ZNF180: variants seen among roughly 807,000 people sequenced by gnomAD.
ZNF180 encodes zinc finger protein 180 (HHZ168).
ZNF180 carries 11 observed loss-of-function variants against 11.8 expected under a neutral mutation model. That is an observed-to-expected ratio of 0.93 (90% CI 0.59 to 1.55). The LOEUF is 1.55. Among genes scored for constraint, ZNF180 ranks in the 40% most tolerant of loss-of-function variants. The pLI, the probability that ZNF180 is intolerant of heterozygous loss-of-function variation, is 0.00. For missense variants in ZNF180, 773 were observed against 781.7 expected (o/e 0.99, Z 0.13); for synonymous variants, 287 against 257.7 (o/e 1.11, Z -1.09).
chr19:44,475,599 T>C lies in ZNF180; in HGVS notation c.*803A>G, dbSNP rs1969842491. ...GGATCTTTGCTATTTGGTTGCTTAG[T>C]CTTTCCTAAATAGTCAAAGAAGGAA... is the stretch of plus-strand genomic sequence containing the variant. On this transcript the variant is annotated 3_prime_UTR_variant, in exon 5 of 5. Transcript: ENST00000592529. 6.6e-6 allele frequency: 1 copy of C among 152,258 alleles called. No homozygotes were observed. Among genetic ancestry groups the C allele is most frequent in the African/African-American group, 2.4e-5 (1 of 41,470 alleles). 9.4% of individuals were successfully genotyped at this position (152,258 alleles called of 1,614,324 possible). A position where few individuals can be genotyped will look rare whatever the true frequency, so the allele number is the denominator to read the frequency against.
chr19:44,500,169 C>T, intron 1 of ZNF180, 106 bp downstream of exon 1: 1 of 1,614,122 alleles, frequency 6.2e-7, no homozygotes, highest in Non-Finnish European at 8.5e-7. Context: ...GCCACCCGCA[C>T]AGATACCAGG....
At chr19:44,488,241 T>C (rs1156505418) in intron 2 of ZNF180, among the ~76,000 whole-genome samples, 1 of 100,826 alleles carries the variant, frequency 9.9e-6, no homozygotes, top group African/African-American at 3.9e-5. Flanking sequence ...TCCCTCTCTT[T>C]CCACGGTCTC....
chr19:44,478,189 G>A, intron 4 of ZNF180, 43 bp from the exon 5 acceptor site: 1 of 1,484,076 alleles, frequency 6.7e-7, no homozygotes, highest in Non-Finnish European at 8.9e-7. Context: ...AAAAATATTA[G>A]AGATGGAAAA....
rs901716222 is a variant in ZNF180 at position 44,476,234 on chromosome 19, TC to T, written c.*167del. 1.9e-5 allele frequency: 12 copies of T among 619,838 alleles called. 1 individual carries two copies. The highest frequency in any genetic ancestry group is 1.5e-4 in the African/African-American group (8 of 53,540). The allele number at this position is 619,838 out of a possible 1,614,324, so 38.4% of individuals were successfully genotyped here. On this transcript the variant is annotated 3_prime_UTR_variant, in exon 5 of 5. Coordinates refer to ENST00000592529, the MANE Select transcript of ZNF180 (RefSeq NM_001278509.3). ...AGGTTGAAAAGTCGTTCATAGACTT[TC>T]CCCCTTTCTTTTCCAGAACAAATTT...
At chr19:44,496,497 T>G (rs1211849506) in intron 2 of ZNF180, 1 of 150,766 alleles carries the variant, frequency 6.6e-6, no homozygotes, top group Admixed American at 6.6e-5. Context: ...TACAAAAAAT[T>G]TTTAAAATAC....
Position 44,477,004 on chromosome 19 carries a change from A to G in ZNF180, c.1396T>C (p.Tyr466His), listed in dbSNP as rs1403610903. The change falls in exon 5 of 5, where the codon TAT (tyrosine) becomes CAT (histidine). Residue 466 changes from tyrosine to histidine, a missense_variant. By Grantham distance (83) the Tyr-to-His change is moderately conservative. Coordinates refer to ENST00000592529, the MANE Select transcript of ZNF180 (RefSeq NM_001278509.3). ...HQRIHTGEKP[Y>H]ECNQCGKSFS... is the part of the protein sequence containing the mutation. ...GATTTCCCACACTGATTGCATTCATAGGGTTTTTCCCCAGTATGAATTCTT... is the reference window on the plus strand; with the variant it reads ...GATTTCCCACACTGATTGCATTCATGGGGTTTTTCCCCAGTATGAATTCTT... 5.4e-5 allele frequency: 87 copies of G among 1,614,028 alleles called. No individual in the cohort carries two copies. The highest frequency in any genetic ancestry group is 7.3e-5 in the Non-Finnish European group (86 of 1,180,020).
Position 44,477,035 on chromosome 19 carries a change from T to C in ZNF180, c.1365A>G (p.Ala455=). The C allele has an allele frequency of 6.2e-7, 1 of 1,614,142 alleles. No homozygotes were observed. The highest frequency in any genetic ancestry group is 1.1e-5 in the South Asian group (1 of 91,076). ...TTTCCCCAGTATGAATTCTTTGATG[T>C]GCAATAAGTTTATAGCTCTGGATAA... ...KSFIQSYKLI[A]HQRIHTGEKP... The change falls in exon 5 of 5, where the codon GCA becomes GCG. Residue 455 remains alanine, a synonymous_variant. Transcript: ENST00000592529.
chr19:44,488,336 T>C (rs1318806925), intron 2 of ZNF180, among the ~76,000 whole-genome samples: 2 of 151,192 alleles, frequency 1.3e-5, no homozygotes, highest in African/African-American at 2.4e-5. Context: ...ACTGTACTGC[T>C]GCCATCTCGG....
In ZNF180 at chr19:44,497,302, G is replaced by A. The variant is rs777930885; in HGVS notation, c.33C>T (p.Pro11=). The change falls in exon 2 of 5, where the codon CCC becomes CCT. Residue 11 remains proline, a synonymous_variant. Transcript: ENST00000592529. The stretch of plus-strand genomic sequence containing the variant: ...CACTCACCTGTGCACAGACCTTCGG[G>A]GGCTCTGGGGGCTTCTCATCCTGCT... MEEQDEKPPE[P]PKVCAQDSFL... is the part of the protein sequence containing the mutation. The A allele has an allele frequency of 6.3e-7, 1 of 1,593,352 alleles. No individual in the cohort carries two copies. Among genetic ancestry groups the A allele is most frequent in the African/African-American group, 1.4e-5 (1 of 73,330 alleles).
At chr19:44,492,438 T>C (rs942427653) in intron 2 of ZNF180, among the ~76,000 whole-genome samples, 1 of 152,212 alleles carries the variant, frequency 6.6e-6, no homozygotes, top group Non-Finnish European at 1.5e-5. Flanking sequence ...CCCTTTTTCT[T>C]TGCAGACTTT....
chr19:44,476,231 C>T lies in ZNF180; in HGVS notation c.*171G>A, dbSNP rs1265497210. 1 of 609,034 alleles carries T rather than the reference C, an allele frequency of 1.6e-6. No individual in the cohort carries two copies. Among genetic ancestry groups the T allele is most frequent in the Non-Finnish European group, 2.6e-6 (1 of 379,204 alleles). The allele number at this position is 609,034 out of a possible 1,614,324, so 37.7% of individuals were successfully genotyped here. A position where few individuals can be genotyped will look rare whatever the true frequency, so the allele number is the denominator to read the frequency against. On this transcript the variant is annotated 3_prime_UTR_variant, in exon 5 of 5. Transcript: ENST00000592529. ...GCCAGGTTGAAAAGTCGTTCATAGA[C>T]TTTCCCCCTTTCTTTTCCAGAACAA...
At position 44,476,994 on chromosome 19, in the gene ZNF180, T is replaced by C. The variant is rs538679234; in HGVS notation, c.1406A>G (p.Asn469Ser). Residue 469 changes from asparagine (N) to serine (S), a missense_variant, in exon 5 of 5, where the codon AAT (asparagine) becomes AGT (serine). Transcript: ENST00000592529. ...TTGACTAAAGGATTTCCCACACTGATTGCATTCATAGGGTTTTTCCCCAGT... is the reference window on the plus strand; with the variant it reads ...TTGACTAAAGGATTTCCCACACTGACTGCATTCATAGGGTTTTTCCCCAGT... Reference protein sequence around the residue: ...IHTGEKPYECNQCGKSFSQSY... With the variant: ...IHTGEKPYECSQCGKSFSQSY... The C allele has an allele frequency of 5.3e-5, 86 of 1,614,170 alleles. 2 individuals are homozygous for C. The South Asian group carries it at 8.7e-4, about 16-fold the overall frequency.
At chr19:44,498,115 C>G (rs1330847094) in intron 1 of ZNF180, among the ~76,000 whole-genome samples, 1 of 152,158 alleles carries the variant, frequency 6.6e-6, no homozygotes, top group East Asian at 1.9e-4. Context: ...ATTTGTAGCT[C>G]TAAACCAGTC....
At chr19:44,497,057 C>T (rs910393482) in intron 2 of ZNF180, among the ~76,000 whole-genome samples, 1 of 152,176 alleles carries the variant, frequency 6.6e-6, no homozygotes, top group Admixed American at 6.5e-5. Context: ...ATTTTAAGGG[C>T]TTTTGATTCA....
intron 2 of ZNF180, among the ~76,000 whole-genome samples, chr19:44,486,184 T>G (rs1970223420): frequency 7.4e-6 from 1 of 134,326 alleles, no homozygotes; most frequent in Non-Finnish European, 1.6e-5. Context: ...AATATATTGC[T>G]GAGTGAAAAA....
intron 3 of ZNF180, among the ~76,000 whole-genome samples, chr19:44,481,201 C>T (rs1037668717): frequency 2.0e-5 from 3 of 152,146 alleles, no homozygotes; most frequent in Admixed American, 2.0e-4. Context: ...CCTCTTGCCA[C>T]TAAAGGCTCT....
At position 44,476,591 on chromosome 19, in the gene ZNF180, C is replaced by A; in HGVS notation, c.1809G>T (p.Glu603Asp). 6.2e-7 allele frequency: 1 copy of A among 1,614,080 alleles called. No individual in the cohort carries two copies. Among genetic ancestry groups the A allele is most frequent in the South Asian group, 1.1e-5 (1 of 91,080 alleles). Residue 603 changes from glutamate (E) to aspartate (D), a missense_variant, in exon 5 of 5, where the codon GAG becomes GAT. Physicochemically the swap from Glu to Asp is conservative, Grantham distance 45 (BLOSUM62 2). Coordinates refer to ENST00000592529, the MANE Select transcript of ZNF180 (RefSeq NM_001278509.3). ...LTQHQRTHTG[E>D]KPFECNQCGK... ...CACACTGATTACATTCAAATGGTTT[C>A]TCTCCAGTATGAGTTCTCTGATGTT...
chr19:44,481,744 C>T (rs906635057), intron 3 of ZNF180, among the ~76,000 whole-genome samples: 1 of 152,184 alleles, frequency 6.6e-6, no homozygotes, highest in African/African-American at 2.4e-5. Flanking sequence ...TTATATTTCA[C>T]AAATTATTTC....
intron 2 of ZNF180, among the ~76,000 whole-genome samples, chr19:44,491,770 G>A (rs1016542979): frequency 6.6e-6 from 1 of 152,040 alleles, no homozygotes; most frequent in Non-Finnish European, 1.5e-5. Context: ...AGAGGTGGGA[G>A]TTTCACTATG....
Sources: gnomAD v4.1 joint callset for allele counts (sites outside exome capture counted in the v4.1 genomes callset) on GRCh38, gnomAD v4.1.1 for gene constraint, MANE v1.5 for transcripts, NCBI Gene and HGNC (gene_info 2026-07-23, HGNC 2026-07-21) for gene names.